Variants in TAFA2 observed in about 807,000 individuals in gnomAD.
The protein encoded by TAFA2 is TAFA chemokine like family member 2, also known as chemokine-like protein TAFA-2.
A neutral mutation model predicts 18.8 loss-of-function variants in TAFA2; 7 were observed. That is an observed-to-expected ratio of 0.37 (90% CI 0.21 to 0.70). The LOEUF (loss-of-function observed/expected upper bound fraction) is 0.70. Among genes scored for constraint, TAFA2 ranks in the 30% least tolerant of loss-of-function variants. The pLI is 0.53. For missense variants in TAFA2, 122 were observed against 158.1 expected (o/e 0.77, Z 1.23); for synonymous variants, 60 against 54.2 (o/e 1.11, Z -0.47).
chr12:61,766,373 C>T (rs1361612664), intron 2 of TAFA2, among the ~76,000 whole-genome samples: 1 of 152,092 alleles, frequency 6.6e-6, no homozygotes, highest in Non-Finnish European at 1.5e-5. Context: ...TTATCAGAGT[C>T]TTATACAAAG....
chr12:61,721,048 C>A (rs546271379), intron 4 of TAFA2: 16 of 425,358 alleles, frequency 3.8e-5, no homozygotes, highest in South Asian at 2.7e-4. Flanking sequence ...TCCTTTACCT[C>A]CAAAAAAGCT....
chr12:62,017,327 A>G (rs142127753), intron 1 of TAFA2, among the ~76,000 whole-genome samples: 5 of 152,276 alleles, frequency 3.3e-5, no homozygotes, highest in Non-Finnish European at 5.9e-5. Context: ...ATTTAGAAAA[A>G]TTATTCCAAG....
intron 1 of TAFA2, among the ~76,000 whole-genome samples, chr12:62,159,123 G>C (rs1451668220): frequency 6.6e-6 from 1 of 152,168 alleles, no homozygotes; most frequent in African/African-American, 2.4e-5. Flanking sequence ...TGGCACTGAA[G>C]AGCTCTTCTG....
chr12:61,887,808 C>T (rs1223840179), intron 1 of TAFA2, among the ~76,000 whole-genome samples: 2 of 151,186 alleles, frequency 1.3e-5, no homozygotes, highest in Admixed American at 1.3e-4. Context: ...TGTATATGTG[C>T]CACATTTTCT....
chr12:62,166,548 T>C (rs1438427921), intron 1 of TAFA2, among the ~76,000 whole-genome samples: 1 of 152,158 alleles, frequency 6.6e-6, no homozygotes, highest in Non-Finnish European at 1.5e-5. Context: ...CTTTCCCTTT[T>C]TTTCTCATCT....
chr12:62,009,887 G>A (rs1360541428), intron 1 of TAFA2, among the ~76,000 whole-genome samples: 1 of 152,124 alleles, frequency 6.6e-6, no homozygotes, highest in East Asian at 1.9e-4. Context: ...TTCAGACACT[G>A]ATAGGAATGC....
At chr12:61,899,773 T>C (rs1020324782) in intron 1 of TAFA2, among the ~76,000 whole-genome samples, 12 of 152,214 alleles carry the variant, frequency 7.9e-5, no homozygotes, top group African/African-American at 2.7e-4. Context: ...GTACTGAAAA[T>C]GTATAGACTT....
In TAFA2 at chr12:62,011,098, C is replaced by T. The variant is rs564945856; in HGVS notation, c.-1-143672G>A. ...CTGGGAGGTGGGGAGCGCCTCTGCCCGGCCACCCATCGTCTGGGATGTGAG... is the reference window on the plus strand; with the variant it reads ...CTGGGAGGTGGGGAGCGCCTCTGCCTGGCCACCCATCGTCTGGGATGTGAG... On this transcript the variant is annotated intron_variant, in intron 1 of 4. Transcript: ENST00000416284. 1.1e-3 allele frequency among the ~76,000 whole-genome samples: 160 copies of T among 150,468 alleles called. 2 individuals carry two copies. The highest frequency in any genetic ancestry group is 2.8e-3 in the African/African-American group (116 of 40,942).
At chr12:61,935,007 C>T (rs887085882) in intron 1 of TAFA2, among the ~76,000 whole-genome samples, 1 of 152,114 alleles carries the variant, frequency 6.6e-6, no homozygotes, top group Non-Finnish European at 1.5e-5. Flanking sequence ...AGTTTATAAG[C>T]ATTGACCAAG....
intron 1 of TAFA2, among the ~76,000 whole-genome samples, chr12:62,141,243 A>G (rs1340509007): frequency 1.3e-5 from 2 of 152,224 alleles, no homozygotes; most frequent in African/African-American, 4.8e-5. Flanking sequence ...AGAGAGAACA[A>G]TGACTGGGTT....
intron 2 of TAFA2, among the ~76,000 whole-genome samples, chr12:61,759,791 T>G (rs1869449402): frequency 6.6e-6 from 1 of 151,994 alleles, no homozygotes; most frequent in Non-Finnish European, 1.5e-5. Context: ...AATAAAATAT[T>G]TAAATATTTC....
At chr12:62,244,308 C>T (rs948524590) in intron 1 of TAFA2, among the ~76,000 whole-genome samples, 1 of 148,574 alleles carries the variant, frequency 6.7e-6, no homozygotes, top group African/African-American at 2.5e-5. Context: ...ATAAATCATG[C>T]CACATATATA....
Position 61,905,110 on chromosome 12 carries a change from A to G in TAFA2, c.-1-37684T>C, listed in dbSNP as rs2121327205. Among the ~76,000 whole-genome samples the G allele has an allele frequency of 3.3e-5, 5 of 152,310 alleles. No individual in the cohort carries two copies. In the Middle Eastern group the frequency reaches 0.01, roughly 311 times the overall value. ...AATAATTAATTGGTTATGTCTAGGA[A>G]TATGACCAAACAGTATTATTCTATT... On this transcript the variant is annotated intron_variant, in intron 1 of 4. Transcript: ENST00000416284.
intron 1 of TAFA2, among the ~76,000 whole-genome samples, chr12:62,071,249 C>T (rs965337049): frequency 3.9e-5 from 6 of 152,022 alleles, no homozygotes; most frequent in Admixed American, 6.5e-5. Flanking sequence ...AGGCTGAAAT[C>T]GGAATGCTAA....
chr12:61,845,487 T>C (rs1053387536), intron 2 of TAFA2, among the ~76,000 whole-genome samples: 1 of 152,200 alleles, frequency 6.6e-6, no homozygotes, highest in African/African-American at 2.4e-5. Context: ...CACAGTTACC[T>C]TGAAACATTG....
intron 2 of TAFA2, among the ~76,000 whole-genome samples, chr12:61,781,521 AT>A (rs1870503894): frequency 6.6e-6 from 1 of 151,596 alleles, no homozygotes; most frequent in African/African-American, 2.4e-5. Context: ...TTGCTTTTCC[AT>A]TTTCCTTTTT....
intron 2 of TAFA2, among the ~76,000 whole-genome samples, chr12:61,812,125 G>T (rs1259497903): frequency 6.6e-6 from 1 of 151,338 alleles, no homozygotes; most frequent in Non-Finnish European, 1.5e-5. Context: ...CCTGGCCTGG[G>T]AGTTTCCAGG....
At chr12:61,807,877 C>A (rs576691798) in intron 2 of TAFA2, among the ~76,000 whole-genome samples, 6 of 151,544 alleles carry the variant, frequency 4.0e-5, no homozygotes, top group Admixed American at 3.3e-4. Context: ...ATGCCTGTAA[C>A]CCCATTGTAT....
intron 1 of TAFA2, among the ~76,000 whole-genome samples, chr12:62,114,661 G>C (rs1170267910): frequency 6.6e-6 from 1 of 152,134 alleles, no homozygotes; most frequent in Admixed American, 6.5e-5. Context: ...CCAATACTGT[G>C]GAGCGTGTCC....
Sources: gnomAD v4.1 joint callset for allele counts (sites outside exome capture counted in the v4.1 genomes callset) on GRCh38, gnomAD v4.1.1 for gene constraint, MANE v1.5 for transcripts, NCBI Gene and HGNC (gene_info 2026-07-23, HGNC 2026-07-21) for gene names.